TRPA1: variants seen among roughly 807,000 people sequenced by gnomAD.
TRPA1 encodes transient receptor potential cation channel subfamily A member 1, also known as ankyrin-like with transmembrane domains 1.
In TRPA1, 129 loss-of-function variants were observed where a neutral mutation model predicts 131.3. That is an observed-to-expected ratio of 0.98 (90% CI 0.85 to 1.14). The LOEUF is 1.14. Among genes scored for constraint, TRPA1 ranks in the 50% most tolerant of loss-of-function variants. The pLI is 0.00. For synonymous variants in TRPA1, 441 were observed against 451.7 expected, an observed-to-expected ratio of 0.98 and a Z score of 0.30; for missense variants, 1,304 against 1,354.2, an observed-to-expected ratio of 0.96 and a Z score of 0.58.
chr8:72,032,107 C>G (rs1232333874), intron 23 of TRPA1, among the ~76,000 whole-genome samples: 1 of 152,150 alleles, frequency 6.6e-6, no homozygotes, highest in Non-Finnish European at 1.5e-5. Flanking sequence ...CTGGGTAAAT[C>G]CTGGGAACAG....
rs1476089375 is a variant in TRPA1, at chr8:72,038,945, T to C, written c.2215A>G (p.Asn739Asp). The change falls in exon 19 of 27, where the codon AAT becomes GAT. Residue 739 changes from asparagine to aspartate, a missense_variant. Coordinates refer to ENST00000262209, the MANE Select transcript of TRPA1 (RefSeq NM_007332.3). Reference sequence around the variant, plus strand: ...TTGAAAGCCATTCCTGGTTTTATATTGACAACGAGAATGGTCATAGGTATG... The same window carrying C: ...TTGAAAGCCATTCCTGGTTTTATATCGACAACGAGAATGGTCATAGGTATG... ...GLIPMTILVVNIKPGMAFNST... is the reference protein window; with the variant it reads ...GLIPMTILVVDIKPGMAFNST... The C allele has an allele frequency of 6.2e-7, 1 of 1,613,172 alleles. No homozygotes were observed. The highest frequency in any genetic ancestry group is 8.5e-7 in the Non-Finnish European group (1 of 1,179,456).
At chr8:72,088,045 G>C in the TRPA1 span, among the ~76,000 whole-genome samples, 1 of 152,344 alleles carries the variant, frequency 6.6e-6, no homozygotes, top group East Asian at 1.9e-4. Context: ...TTTGCTGCCT[G>C]TTGCTTAGTA....
At chr8:72,079,888 G>A (rs1806256961), upstream of TRPA1, among the ~76,000 whole-genome samples, 1 of 151,876 alleles carries the variant, frequency 6.6e-6, no homozygotes, top group African/African-American at 2.4e-5. Flanking sequence ...TTGGTTAAAT[G>A]TATTCCTAAG....
chr8:72,051,223 G>A (rs1192366117), intron 14 of TRPA1, among the ~76,000 whole-genome samples: 4 of 152,194 alleles, frequency 2.6e-5, no homozygotes, highest in African/African-American at 9.7e-5. Context: ...GTTGGGTAGA[G>A]ATTCCACATT....
intron 25 of TRPA1, among the ~76,000 whole-genome samples, 189 bp downstream of exon 25, chr8:72,025,771 C>T (rs1261717161): frequency 1.3e-5 from 2 of 152,180 alleles, no homozygotes; most frequent in African/African-American, 2.4e-5. Flanking sequence ...GGAGAGCAAA[C>T]GTCACCCTCC....
Position 72,055,059 on chromosome 8 carries a change from C to T in TRPA1, c.1529+377G>A, listed in dbSNP as rs148419158. ...CTTGTATGTTTTGTGTGTGTGTGTA[C>T]GTGCATACACACATACACAACCACA... On this transcript the variant is annotated intron_variant, in intron 12 of 26. Coordinates refer to ENST00000262209, the MANE Select transcript of TRPA1 (RefSeq NM_007332.3). The T allele has an allele frequency of 1.9e-3, 388 of 207,198 alleles. 1 individual carries two copies. The highest frequency in any genetic ancestry group is 8.6e-3 in the African/African-American group (360 of 42,100). 12.8% of individuals were successfully genotyped at this position (207,198 alleles called of 1,614,324 possible). A position where few individuals can be genotyped will look rare whatever the true frequency, so the allele number is the denominator to read the frequency against.
intron 3 of TRPA1, among the ~76,000 whole-genome samples, chr8:72,066,381 C>T (rs574540578): frequency 6.6e-6 from 1 of 152,264 alleles, no homozygotes; most frequent in South Asian, 2.1e-4. Flanking sequence ...TTTCCTCCTG[C>T]AGAAAGACTA....
intron 23 of TRPA1, among the ~76,000 whole-genome samples, chr8:72,032,719 G>C (rs1023122165): frequency 3.3e-5 from 5 of 152,262 alleles, no homozygotes; most frequent in African/African-American, 1.2e-4. Flanking sequence ...GTCATTCTCC[G>C]TTATTCCTAT....
intron 1 of TRPA1, among the ~76,000 whole-genome samples, chr8:72,072,675 G>C (rs866695461): frequency 1.3e-5 from 2 of 152,136 alleles, no homozygotes; most frequent in Non-Finnish European, 1.5e-5. Flanking sequence ...ATCAAAGAAA[G>C]TGTTGGCCTA....
intron 21 of TRPA1, 130 bp from the exon 22 acceptor site, chr8:72,034,507 G>A (rs1811958406): frequency 3.7e-6 from 2 of 537,352 alleles, no homozygotes; most frequent in Non-Finnish European, 6.4e-6. Context: ...CAGTTATTTT[G>A]AAAAAGAAAA....
At chr8:72,069,478 T>A (rs186163492) in intron 2 of TRPA1, among the ~76,000 whole-genome samples, 155 of 152,344 alleles carry the variant, frequency 1.0e-3, no homozygotes, top group South Asian at 1.9e-3. Flanking sequence ...TTTATCTATA[T>A]GAGTTTTGGG....
intron 12 of TRPA1, 79 bp from the exon 13 acceptor site, chr8:72,053,946 A>G: frequency 4.1e-6 from 4 of 965,610 alleles, no homozygotes; most frequent in Non-Finnish European, 3.2e-6. Context: ...GGCTTATTCT[A>G]GGTAAATCTG....
At chr8:72,086,698 G>A in the TRPA1 span, among the ~76,000 whole-genome samples, 2 of 151,270 alleles carry the variant, frequency 1.3e-5, no homozygotes, top group African/African-American at 4.9e-5. Context: ...ATTCCTTCTT[G>A]GTATTCTGAA....
At chr8:72,032,124 G>T (rs1222109736) in intron 23 of TRPA1, among the ~76,000 whole-genome samples, 1 of 152,206 alleles carries the variant, frequency 6.6e-6, no homozygotes. Context: ...ACAGTGAGGC[G>T]TTGGGAAAGA....
At chr8:72,077,006 A>G (rs756698937), upstream of TRPA1, among the ~76,000 whole-genome samples, 36 of 152,208 alleles carry the variant, frequency 2.4e-4, 1 homozygote, top group Admixed American at 2.6e-4. Flanking sequence ...TAAAAAGAAT[A>G]ACTCTCATTG....
At chr8:72,043,493 T>A in intron 17 of TRPA1, among the ~76,000 whole-genome samples, 1 of 151,990 alleles carries the variant, frequency 6.6e-6, no homozygotes, top group African/African-American at 2.4e-5. Context: ...GTTTCACATT[T>A]TATAATTAAA....
chr8:72,068,062 G>C (rs1340484438), intron 3 of TRPA1, among the ~76,000 whole-genome samples: 1 of 152,190 alleles, frequency 6.6e-6, no homozygotes, highest in African/African-American at 2.4e-5. Flanking sequence ...GATTTTAATA[G>C]AGCCACATAC....
chr8:72,076,910 G>C (rs2129437228), upstream of TRPA1, among the ~76,000 whole-genome samples: 1 of 152,256 alleles, frequency 6.6e-6, no homozygotes, highest in East Asian at 1.9e-4. Flanking sequence ...TGCAAGATAA[G>C]AATCAGTTGC....
the TRPA1 span, among the ~76,000 whole-genome samples, chr8:72,081,954 T>C: frequency 6.6e-6 from 1 of 151,920 alleles, no homozygotes; most frequent in Non-Finnish European, 1.5e-5. Context: ...TTAATTACAA[T>C]ATTTACTCAT....
Sources: allele counts gnomAD v4.1 joint callset (sites outside exome capture counted in the v4.1 genomes callset), GRCh38; gene constraint gnomAD v4.1.1; transcripts MANE v1.5; gene names NCBI Gene and HGNC (gene_info 2026-07-23, HGNC 2026-07-21).